The following CIDEA variants were observed in gnomAD, a reference collection of about 807,000 sequenced individuals.
CIDEA encodes lipid transferase CIDEA.
CIDEA carries 10 observed loss-of-function variants against 18.2 expected under a neutral mutation model. That is an observed-to-expected ratio of 0.55 (90% confidence interval 0.34 to 0.93). The LOEUF (loss-of-function observed/expected upper bound fraction) is 0.93. Ranked by LOEUF, CIDEA falls within the 40% of genes least tolerant of loss-of-function variation. The pLI is 0.02. For synonymous variants in CIDEA, 128 were observed against 124.8 expected, an observed-to-expected ratio of 1.03 and a Z score of -0.17; for missense variants, 309 against 293.1, an observed-to-expected ratio of 1.05 and a Z score of -0.40.
intron 3 of CIDEA, among the ~76,000 whole-genome samples, chr18:12,264,678 G>C (rs532975272): frequency 0.021 from 3,250 of 151,822 alleles, 36 homozygotes; most frequent in Middle Eastern, 0.034. Context: ...CTCAGCCTCC[G>C]GAGTAGCTGG....
Position 12,264,401 on chromosome 18 carries a change from T to C in CIDEA, c.278T>C (p.Leu93Ser). The C allele has an allele frequency of 1.2e-6, 2 of 1,614,064 alleles. No individual in the cohort carries two copies. Among genetic ancestry groups the C allele is most frequent in the Non-Finnish European group, 1.7e-6 (2 of 1,179,966 alleles). ...VVDTEEFFQT[L>S]GDNTHFMILE... The stretch of plus-strand genomic sequence containing the variant: ...GACACAGAAGAGTTCTTTCAGACCT[T>C]GGGAGACAACACGCATTTCATGATC... Residue 93 changes from leucine to serine, a missense_variant, in exon 3 of 5, where the codon TTG becomes TCG. Coordinates refer to ENST00000320477, the MANE Select transcript of CIDEA (RefSeq NM_001279.4).
intron 1 of CIDEA, among the ~76,000 whole-genome samples, chr18:12,262,220 C>G (rs550790691): frequency 1.5e-4 from 23 of 152,110 alleles, no homozygotes; most frequent in African/African-American, 5.6e-4. Context: ...TAAATGTGGA[C>G]TTAATCCAAA....
chr18:12,274,755 C>T (rs1912658894), intron 4 of CIDEA, among the ~76,000 whole-genome samples: 1 of 152,188 alleles, frequency 6.6e-6, no homozygotes, highest in South Asian at 2.1e-4. Context: ...GCACCGTCAT[C>T]CCAAAGACGA....
At chr18:12,268,650 C>T (rs890498599) in intron 3 of CIDEA, among the ~76,000 whole-genome samples, 1 of 152,140 alleles carries the variant, frequency 6.6e-6, no homozygotes, top group African/African-American at 2.4e-5. Context: ...CGATCCACTA[C>T]CTCTGCCTCC....
At position 12,271,424 on chromosome 18, in the gene CIDEA, G is replaced by A. The variant is rs1329376167; in HGVS notation, c.331-2669G>A. On this transcript the variant is annotated intron_variant, in intron 3 of 4. Transcript: ENST00000320477. The stretch of plus-strand genomic sequence containing the variant: ...GCCCAAGAAGCCGGGAAAAGCGAGG[G>A]GCCGGGCCTGCCCCGCAGCCCCCAC... Among the ~76,000 whole-genome samples, 3 of 152,316 alleles carry A rather than the reference G, an allele frequency of 2.0e-5. No homozygotes were observed. In the East Asian group the frequency reaches 5.8e-4, roughly 29 times the overall value.
intron 1 of CIDEA, among the ~76,000 whole-genome samples, chr18:12,258,784 G>A (rs756598734): frequency 1.3e-5 from 2 of 152,244 alleles, no homozygotes; most frequent in Admixed American, 1.3e-4. Flanking sequence ...GTAAGGCAAG[G>A]CGCTAGCTCT....
rs762625785 is a variant in CIDEA, at chr18:12,274,274, G to A, written c.512G>A (p.Arg171Lys). 2.2e-5 allele frequency: 36 copies of A among 1,613,976 alleles called. No individual in the cohort carries two copies. The highest frequency in any genetic ancestry group is 3.0e-5 in the Non-Finnish European group (35 of 1,179,986). ...IRCTGLKGLL[R>K]SLLRFLSYSA... Reference sequence around the variant, plus strand: ...TGCACGGGACTCAAGGGCCTGCTGAGGTAACACACTCCAGGGGTCACCTCC... The same window carrying A: ...TGCACGGGACTCAAGGGCCTGCTGAAGTAACACACTCCAGGGGTCACCTCC... Residue 171 changes from arginine to lysine, a missense_variant and splice_region_variant, in exon 4 of 5, where the codon AGG (arginine) becomes AAG (lysine). Transcript: ENST00000320477.
rs1911949137 is a variant in CIDEA at position 12,254,382 on chromosome 18, C to A, written c.-2C>A. 6.5e-7 allele frequency: 1 copy of A among 1,538,588 alleles called. No individual in the cohort carries two copies. Among genetic ancestry groups the A allele is most frequent in the Non-Finnish European group, 8.7e-7 (1 of 1,143,430 alleles). On this transcript the variant is annotated 5_prime_UTR_variant, in exon 1 of 5. Transcript: ENST00000320477. Reference sequence around the variant, plus strand: ...CTCCAGGCCCGCTAGGGGATCCGCGCCATGGAGGCCGCCCGGGACTATGCA... The same window carrying A: ...CTCCAGGCCCGCTAGGGGATCCGCGACATGGAGGCCGCCCGGGACTATGCA...
At chr18:12,271,821 G>T (rs1010028140) in intron 3 of CIDEA, among the ~76,000 whole-genome samples, 2 of 151,876 alleles carry the variant, frequency 1.3e-5, no homozygotes, top group African/African-American at 2.4e-5. Flanking sequence ...GCAGGAAGCC[G>T]CCAGCAGGTG....
chr18:12,265,448 G>A (rs1349281342), intron 3 of CIDEA, among the ~76,000 whole-genome samples: 1 of 152,250 alleles, frequency 6.6e-6, no homozygotes, highest in Non-Finnish European at 1.5e-5. Flanking sequence ...GAGGACAGGA[G>A]ACAGCCTCCA....
chr18:12,254,487 T>G, intron 1 of CIDEA, 66 bp downstream of exon 1: 1 of 1,566,834 alleles, frequency 6.4e-7, no homozygotes, highest in Non-Finnish European at 8.6e-7. Flanking sequence ...TGGCCTCATA[T>G]TCCCCTGTGC....
intron 3 of CIDEA, among the ~76,000 whole-genome samples, chr18:12,272,545 G>A (rs189857257): frequency 2.8e-4 from 42 of 151,914 alleles, no homozygotes; most frequent in African/African-American, 8.9e-4. Context: ...ACGGGGTTTC[G>A]CCATGTTGAC....
In CIDEA at chr18:12,270,688, CAAAAAAAAAAAAA is replaced by C. The variant is rs68102741; in HGVS notation, c.331-3389_331-3377del. 2.2e-3 allele frequency among the ~76,000 whole-genome samples: 162 copies of C among 72,808 alleles called. 5 individuals carry two copies. Among genetic ancestry groups the C allele is most frequent in the Middle Eastern group, 0.019 (2 of 106 alleles). 47.8% of individuals were successfully genotyped at this position (72,808 alleles called of 152,430 possible). A position where few individuals can be genotyped will look rare whatever the true frequency, so the allele number is the denominator to read the frequency against. On this transcript the variant is annotated intron_variant, in intron 3 of 4. Transcript: ENST00000320477. ...GGCGACAGAGCAAGACTCCGTCTCACAAAAAAAAAAAAAAAAAAAAAAAAAAAAGCAGGTGGGG... is the reference window on the plus strand; with the variant it reads ...GGCGACAGAGCAAGACTCCGTCTCACAAAAAAAAAAAAAAAGCAGGTGGGG...
chr18:12,271,855 C>T (rs1235244213), intron 3 of CIDEA, among the ~76,000 whole-genome samples: 1 of 152,178 alleles, frequency 6.6e-6, no homozygotes, highest in African/African-American at 2.4e-5. Flanking sequence ...TCCCAGCGCC[C>T]TCAGGAAGAG....
In CIDEA at chr18:12,275,993, C is replaced by CTTT. The variant is rs149108439; in HGVS notation, c.513-1128_513-1127insTTT. On this transcript the variant is annotated intron_variant, in intron 4 of 4. Transcript: ENST00000320477. ...GTGAAATCTTTTTTCTTTTTCTTTT[C>CTTT]TTATTTTTTTTCTTTTTTGAGACGG... Among the ~76,000 whole-genome samples, 161 of 129,684 alleles carry CTTT rather than the reference C, an allele frequency of 1.2e-3. 56 individuals carry two copies. Among genetic ancestry groups the CTTT allele is most frequent in the Non-Finnish European group, 1.0e-3 (64 of 62,072 alleles). 85.1% of individuals were successfully genotyped at this position (129,684 alleles called of 152,430 possible).
At chr18:12,262,727 T>C (rs1912226510) in intron 1 of CIDEA, 98 bp from the exon 2 acceptor site, 5 of 1,161,468 alleles carry the variant, frequency 4.3e-6, no homozygotes, top group Non-Finnish European at 6.3e-6. Context: ...TTTCTTTCTT[T>C]TAGATGCAAA....
intron 1 of CIDEA, among the ~76,000 whole-genome samples, chr18:12,261,395 C>T (rs1187374563): frequency 6.6e-6 from 1 of 152,106 alleles, no homozygotes; most frequent in African/African-American, 2.4e-5. Context: ...CAAAAGTCTG[C>T]GGTCCTGGGT....
intron 1 of CIDEA, among the ~76,000 whole-genome samples, chr18:12,256,969 A>G (rs992797118): frequency 6.6e-6 from 1 of 152,184 alleles, no homozygotes; most frequent in East Asian, 1.9e-4. Context: ...TCCCACCTGC[A>G]TATGTCACGT....
intron 1 of CIDEA, chr18:12,255,018 T>A: frequency 9.3e-7 from 1 of 1,072,432 alleles, no homozygotes. Flanking sequence ...AGACGCTGCC[T>A]GGGGAGCAGG....
Sources: allele counts gnomAD v4.1 joint callset (sites outside exome capture counted in the v4.1 genomes callset), GRCh38; gene constraint gnomAD v4.1.1; transcripts MANE v1.5; gene names NCBI Gene and HGNC (gene_info 2026-07-23, HGNC 2026-07-21).